Variants in PHLPP1 observed in about 807,000 individuals in gnomAD.
PHLPP1 encodes the protein PH domain and leucine rich repeat protein phosphatase 1, also known as PH domain leucine-rich repeat-containing protein phosphatase 1.
Under a neutral mutation model 117.2 loss-of-function variants are expected in PHLPP1, and 42 were observed. The observed-to-expected ratio is 0.36, with a 90% CI of 0.28 to 0.46. The LOEUF (loss-of-function observed/expected upper bound fraction) is 0.46. Ranked by LOEUF, PHLPP1 falls within the 20% of genes least tolerant of loss-of-function variation. The pLI is 1.00. For missense variants in PHLPP1, 2,084 were observed against 2,241.9 expected (o/e 0.93, Z 1.42); for synonymous variants, 1,042 against 970.7 (o/e 1.07, Z -1.37).
At chr18:62,896,558 G>C (rs1385578884) in intron 6 of PHLPP1, among the ~76,000 whole-genome samples, 1 of 152,016 alleles carries the variant, frequency 6.6e-6, no homozygotes, top group Non-Finnish European at 1.5e-5. Context: ...GCCTCCCAAA[G>C]TGCTGGGATT....
At chr18:62,766,778 A>C (rs1912550036) in intron 1 of PHLPP1, among the ~76,000 whole-genome samples, 1 of 152,174 alleles carries the variant, frequency 6.6e-6, no homozygotes, top group Admixed American at 6.5e-5. Context: ...TTGGGCTGGA[A>C]AAATAAGGGT....
chr18:62,958,728 G>T lies in PHLPP1; in HGVS notation c.3424G>T (p.Val1142Phe). The T allele has an allele frequency of 6.2e-7, 1 of 1,613,960 alleles. No individual in the cohort carries two copies. The highest frequency in any genetic ancestry group is 8.5e-7 in the Non-Finnish European group (1 of 1,179,860). The change falls in exon 13 of 17, where the codon GTC becomes TTC. Residue 1142 changes from valine (V) to phenylalanine (F), a missense_variant. Val to Phe is a conservative substitution (Grantham distance 50). Transcript: ENST00000262719. The stretch of plus-strand genomic sequence containing the variant: ...AGACCTGACTGGAAACCCGCGCCTT[G>T]TCCTTGATCACAAAACCCTGGAACT... ...ELDLTGNPRL[V>F]LDHKTLELLN...
intron 1 of PHLPP1, among the ~76,000 whole-genome samples, chr18:62,768,776 A>G (rs1912645233): frequency 6.6e-6 from 1 of 152,190 alleles, no homozygotes; most frequent in Non-Finnish European, 1.5e-5. Flanking sequence ...CTAACAATGA[A>G]AAAGGAGATG....
At chr18:62,847,816 T>C (rs993831516) in intron 3 of PHLPP1, among the ~76,000 whole-genome samples, 2 of 152,358 alleles carry the variant, frequency 1.3e-5, no homozygotes, top group East Asian at 3.8e-4. Flanking sequence ...TTCCAACATC[T>C]GTAGTGTCTG....
chr18:62,808,420 CT>C (rs1217280440), intron 1 of PHLPP1, among the ~76,000 whole-genome samples: 4 of 151,954 alleles, frequency 2.6e-5, no homozygotes, highest in African/African-American at 9.7e-5. Flanking sequence ...TCAATCTGTA[CT>C]TTACATGATT....
intron 6 of PHLPP1, among the ~76,000 whole-genome samples, chr18:62,899,507 G>A (rs1321147422): frequency 6.6e-6 from 1 of 152,044 alleles, no homozygotes; most frequent in Non-Finnish European, 1.5e-5. Context: ...CTTTTCCATA[G>A]CCTCTTTTTT....
At position 62,979,530 on chromosome 18, in the gene PHLPP1, C is replaced by T; in HGVS notation, c.*99C>T. ...ACCAGGGGTTTTACTCCACATCCTT[C>T]CCCCAGACACTGTTCCCAACCTGTC... is the stretch of plus-strand genomic sequence containing the variant. On this transcript the variant is annotated 3_prime_UTR_variant, in exon 17 of 17. Transcript: ENST00000262719. 7.8e-7 allele frequency: 1 copy of T among 1,290,258 alleles called. No individual in the cohort carries two copies. Among genetic ancestry groups the T allele is most frequent in the Non-Finnish European group, 1.1e-6 (1 of 946,588 alleles). The allele number at this position is 1,290,258 out of a possible 1,614,324, so 79.9% of individuals were successfully genotyped here. A position where few individuals can be genotyped will look rare whatever the true frequency, so the allele number is the denominator to read the frequency against.
In PHLPP1 at chr18:62,811,614, A is replaced by G. The variant is rs137992456; in HGVS notation, c.1577-18421A>G. ...GGGGCTGTATTTATAGTAATTAGAA[A>G]ACATTTAAGTGAGAACTCTATGGAT... On this transcript the variant is annotated intron_variant, in intron 1 of 16. Coordinates refer to ENST00000262719, the MANE Select transcript of PHLPP1 (RefSeq NM_194449.4). Among the ~76,000 whole-genome samples, 171 of 152,034 alleles carry G rather than the reference A, an allele frequency of 1.1e-3. 1 individual carries two copies. Among genetic ancestry groups the G allele is most frequent in the African/African-American group, 3.9e-3 (163 of 41,514 alleles).
intron 1 of PHLPP1, among the ~76,000 whole-genome samples, chr18:62,783,382 C>T (rs1459681622): frequency 6.6e-6 from 1 of 151,980 alleles, no homozygotes; most frequent in Non-Finnish European, 1.5e-5. Context: ...TGCCCGCCAC[C>T]ATGTCTAGCT....
At chr18:62,797,245 A>G (rs1268839930) in intron 1 of PHLPP1, among the ~76,000 whole-genome samples, 2 of 152,202 alleles carry the variant, frequency 1.3e-5, no homozygotes, top group African/African-American at 2.4e-5. Flanking sequence ...TTACCATAAT[A>G]TATCGTAAAT....
At chr18:62,974,466 G>A (rs866440819) in intron 15 of PHLPP1, among the ~76,000 whole-genome samples, 22 of 152,152 alleles carry the variant, frequency 1.4e-4, no homozygotes, top group African/African-American at 4.8e-4. Context: ...GTACCTGAGG[G>A]TCTGCCCTTG....
rs1398586800 is a variant in PHLPP1 at position 62,808,951 on chromosome 18, G to A, written c.1577-21084G>A. 3.3e-5 allele frequency among the ~76,000 whole-genome samples: 5 copies of A among 152,074 alleles called. No homozygotes were observed. In the East Asian group the frequency reaches 9.6e-4, roughly 29 times the overall value. On this transcript the variant is annotated intron_variant, in intron 1 of 16. Transcript: ENST00000262719. ...CAGTTGCCTGGTTATTATTTTACTAGACTTTAAGTTTTTTGAGGGCTGGAA... is the reference window on the plus strand; with the variant it reads ...CAGTTGCCTGGTTATTATTTTACTAAACTTTAAGTTTTTTGAGGGCTGGAA...
At chr18:62,732,242 ACT>A (rs1211085156) in intron 1 of PHLPP1, among the ~76,000 whole-genome samples, 3 of 152,120 alleles carry the variant, frequency 2.0e-5, no homozygotes, top group Non-Finnish European at 4.4e-5. Flanking sequence ...GGATAGGCTG[ACT>A]CTCTTGTTAG....
chr18:62,860,678 T>G, intron 4 of PHLPP1, 77 bp downstream of exon 4: 1 of 1,213,528 alleles, frequency 8.2e-7, no homozygotes. Context: ...CTCTTGAATA[T>G]TCTCATGAAA....
intron 1 of PHLPP1, among the ~76,000 whole-genome samples, chr18:62,807,403 T>G (rs557360993): frequency 1.5e-4 from 23 of 152,236 alleles, no homozygotes; most frequent in Non-Finnish European, 2.8e-4. Flanking sequence ...GAGTATTTGC[T>G]CTAAGGCTTA....
At chr18:62,829,990 G>A (rs187964040) in intron 1 of PHLPP1, 45 bp from the exon 2 acceptor site, 2 of 1,449,484 alleles carry the variant, frequency 1.4e-6, no homozygotes, top group East Asian at 4.6e-5. Context: ...AGTAGGAAAA[G>A]GGTCCATTTT....
intron 4 of PHLPP1, among the ~76,000 whole-genome samples, chr18:62,871,745 G>A (rs1290487429): frequency 1.3e-5 from 2 of 150,002 alleles, no homozygotes; most frequent in African/African-American, 2.5e-5. Context: ...CCCAGACTTA[G>A]GCGATTCTCC....
intron 10 of PHLPP1, 82 bp from the exon 11 acceptor site, chr18:62,941,636 T>C: frequency 1.1e-6 from 1 of 926,208 alleles, no homozygotes; most frequent in Admixed American, 2.6e-5. Flanking sequence ...CAGCTTCTAA[T>C]ATGCCTGGTA....
chr18:62,800,187 A>AC (rs773565713), intron 1 of PHLPP1, among the ~76,000 whole-genome samples: 1 of 151,842 alleles, frequency 6.6e-6, no homozygotes, highest in East Asian at 1.9e-4. Flanking sequence ...TTCTCTCCCC[A>AC]CCCCCCACTG....
Sources: allele counts gnomAD v4.1 joint callset (sites outside exome capture counted in the v4.1 genomes callset), GRCh38; gene constraint gnomAD v4.1.1; transcripts MANE v1.5; gene names NCBI Gene and HGNC (gene_info 2026-07-23, HGNC 2026-07-21).